DPYSL4: variants seen among roughly 807,000 people sequenced by gnomAD.
DPYSL4 encodes dihydropyrimidinase-related protein 4.
In DPYSL4, 43 loss-of-function variants were observed where a neutral mutation model predicts 63.4. The observed-to-expected ratio is 0.68, with a 90% confidence interval of 0.53 to 0.88. The LOEUF (loss-of-function observed/expected upper bound fraction) is 0.88. Ranked by LOEUF, DPYSL4 falls within the 40% of genes least tolerant of loss-of-function variation. The pLI is 0.00. For missense variants in DPYSL4, 733 were observed against 819.5 expected (o/e 0.89, Z 1.29); for synonymous variants, 353 against 331.7 (o/e 1.06, Z -0.70).
At position 132,192,774 on chromosome 10, in the gene DPYSL4, G is replaced by C; in HGVS notation, c.245G>C (p.Gly82Ala). 3.1e-6 allele frequency: 5 copies of C among 1,613,298 alleles called. No homozygotes were observed. Among genetic ancestry groups the C allele is most frequent in the Non-Finnish European group, 4.2e-6 (5 of 1,179,970 alleles). Residue 82 changes from glycine to alanine, a missense_variant, in exon 3 of 14, where the codon GGC becomes GCC. Physicochemically the swap from Gly to Ala is moderately conservative, Grantham distance 60. Coordinates refer to ENST00000338492, the MANE Select transcript of DPYSL4 (RefSeq NM_006426.3). ...ACAAGGCTGCAGATGCCTGTCCTGG[G>C]CATGACACCGGCTGACGACTTCTGT... ...VHTRLQMPVL[G>A]MTPADDFCQG...
chr10:132,193,964 G>C (rs970650340), intron 3 of DPYSL4, among the ~76,000 whole-genome samples: 6 of 152,258 alleles, frequency 3.9e-5, no homozygotes, highest in African/African-American at 1.4e-4. Flanking sequence ...GCGCCCTTCA[G>C]GGGGCGGCCC....
At chr10:132,204,806 A>G in intron 13 of DPYSL4, 33 bp from the exon 14 acceptor site, 1 of 1,570,194 alleles carries the variant, frequency 6.4e-7, no homozygotes, top group Non-Finnish European at 8.7e-7. Flanking sequence ...CCCCTGCCTC[A>G]TTCTCCCCTG....
rs902792797 is a variant in DPYSL4, at chr10:132,202,671, G to A, written c.1307G>A (p.Gly436Glu). Reference protein sequence around the residue: ...NLNVEYNIFEGVECRGAPAVV... With the variant: ...NLNVEYNIFEEVECRGAPAVV... ...AACGTGGAGTACAACATCTTCGAGG[G>A]AGTGGAGTGCCGGGGAGCGCCTGCC... Residue 436 changes from glycine to glutamate, a missense_variant, in exon 12 of 14, where the codon GGA (glycine) becomes GAA (glutamate). Physicochemically the swap from Gly to Glu is moderately conservative, Grantham distance 98. Transcript: ENST00000338492. The A allele has an allele frequency of 5.6e-6, 9 of 1,613,098 alleles. No individual in the cohort carries two copies. The highest frequency in any genetic ancestry group is 1.3e-5 in the African/African-American group (1 of 75,070).
chr10:132,204,746 A>G (rs1158310005), intron 13 of DPYSL4, 93 bp from the exon 14 acceptor site: 1 of 1,147,216 alleles, frequency 8.7e-7, no homozygotes, highest in African/African-American at 1.6e-5. Flanking sequence ...TCCTGGCCCC[A>G]CTGACGCAGC....
At chr10:132,194,819 A>G in intron 3 of DPYSL4, 26 bp from the exon 4 acceptor site, 2 of 1,605,114 alleles carry the variant, frequency 1.2e-6, no homozygotes, top group East Asian at 2.2e-5. Flanking sequence ...CAGTGGGGGA[A>G]GCTGCTGACC....
rs79233294 is a variant in DPYSL4, at chr10:132,195,268, T to C, written c.478+259T>C. Among the ~76,000 whole-genome samples the C allele has an allele frequency of 8.9e-3, 1,357 of 152,294 alleles. 27 individuals are homozygous for C. The highest frequency in any genetic ancestry group is 0.03 in the African/African-American group (1,263 of 41,554). On this transcript the variant is annotated intron_variant, in intron 4 of 13. Transcript: ENST00000338492. ...AAGATGCAGCAGATCCGTCGTTTCT[T>C]AGAAGAGAGGCTGCCCAGGGTGGAA...
chr10:132,201,006 C>A, intron 10 of DPYSL4, 23 bp downstream of exon 10: 1 of 1,610,166 alleles, frequency 6.2e-7, no homozygotes, highest in Non-Finnish European at 8.5e-7. Context: ...CTGGCCGGGG[C>A]ACGCCGTCTG....
In DPYSL4 at chr10:132,200,751, C is replaced by G; in HGVS notation, c.969-91C>G. On this transcript the variant is annotated intron_variant, in intron 9 of 13. Coordinates refer to ENST00000338492, the MANE Select transcript of DPYSL4 (RefSeq NM_006426.3). Reference sequence around the variant, plus strand: ...AGAGCCACTCAGATGACCTCTAGCCCCTGCGGCTGTGCTGGCCAAGGGGGC... The same window carrying G: ...AGAGCCACTCAGATGACCTCTAGCCGCTGCGGCTGTGCTGGCCAAGGGGGC... 2.0e-6 allele frequency: 3 copies of G among 1,522,256 alleles called. No individual in the cohort carries two copies. In the South Asian group the frequency reaches 3.9e-5, roughly 20 times the overall value. 94.3% of individuals were successfully genotyped at this position (1,522,256 alleles called of 1,614,324 possible).
chr10:132,196,881 T>G lies in DPYSL4; in HGVS notation c.499T>G (p.Phe167Val). The G allele has an allele frequency of 6.2e-7, 1 of 1,613,792 alleles. No individual in the cohort carries two copies. Among genetic ancestry groups the G allele is most frequent in the Non-Finnish European group, 8.5e-7 (1 of 1,179,998 alleles). The change falls in exon 5 of 14, where the codon TTC becomes GTC. Residue 167 changes from phenylalanine to valine, a missense_variant. Transcript: ENST00000338492. ...KEKGVNSFLVFMAYKDRCQCS... is the reference protein window; with the variant it reads ...KEKGVNSFLVVMAYKDRCQCS... ...TCCAGGTGTGAACTCCTTCCTGGTC[T>G]TCATGGCATACAAGGACCGGTGCCA...
chr10:132,204,929 A>T lies in DPYSL4; in HGVS notation c.1718A>T (p.Ter573LeuextTer233), dbSNP rs764609530. Residue 573 changes from the stop codon to leucine, a stop_lost, in exon 14 of 14, where the codon TAG (stop) becomes TTG (leucine). Transcript: ENST00000338492. ...GGRSNITSLS[*>L] Reference sequence around the variant, plus strand: ...CGCTCCAACATCACCTCTCTCTCCTAGACGCCCAGGACCGGCCCTGTGAGC... The same window carrying T: ...CGCTCCAACATCACCTCTCTCTCCTTGACGCCCAGGACCGGCCCTGTGAGC... The T allele has an allele frequency of 1.2e-6, 2 of 1,607,822 alleles. No individual in the cohort carries two copies.
intron 8 of DPYSL4, among the ~76,000 whole-genome samples, chr10:132,199,361 T>G (rs1565044083): frequency 6.6e-6 from 1 of 152,128 alleles, no homozygotes; most frequent in African/African-American, 2.4e-5. Flanking sequence ...GCCCACAGAA[T>G]GCCAGCCAGC....
At position 132,187,024 on chromosome 10, in the gene DPYSL4, C is replaced by A; in HGVS notation, c.-40C>A. The A allele has an allele frequency of 8.5e-6, 4 of 469,202 alleles. No individual in the cohort carries two copies. Among genetic ancestry groups the A allele is most frequent in the East Asian group, 4.2e-5 (1 of 23,920 alleles). 29.1% of individuals were successfully genotyped at this position (469,202 alleles called of 1,614,324 possible). A position where few individuals can be genotyped will look rare whatever the true frequency, so the allele number is the denominator to read the frequency against. Reference sequence around the variant, plus strand: ...CCGCCCGCCCGCCCGCCCGCCCGCCCCCGCTTGTGCCGCCCCTACCAGAGA... The same window carrying A: ...CCGCCCGCCCGCCCGCCCGCCCGCCACCGCTTGTGCCGCCCCTACCAGAGA... On this transcript the variant is annotated 5_prime_UTR_variant, in exon 1 of 14. Transcript: ENST00000338492.
At chr10:132,189,961 C>T (rs1345719535) in intron 1 of DPYSL4, among the ~76,000 whole-genome samples, 2 of 152,224 alleles carry the variant, frequency 1.3e-5, no homozygotes, top group East Asian at 3.9e-4. Flanking sequence ...TTCCATCCCT[C>T]GGCCTCCTCC....
chr10:132,190,422 G>C (rs1465254403), intron 1 of DPYSL4, among the ~76,000 whole-genome samples: 2 of 152,254 alleles, frequency 1.3e-5, no homozygotes, highest in Non-Finnish European at 2.9e-5. Flanking sequence ...CCCACCTCAG[G>C]CTGGGGCTCC....
rs757130543 is a variant in DPYSL4 at position 132,194,861 on chromosome 10, C to T, written c.330C>T (p.Pro110=). The T allele has an allele frequency of 2.7e-5, 43 of 1,612,468 alleles. No individual in the cohort carries two copies. Among genetic ancestry groups the T allele is most frequent in the Admixed American group, 5.0e-5 (3 of 59,984 alleles). ...GTTMILDHVF[P]DTGVSLLAAY... is the part of the protein sequence containing the mutation. The stretch of plus-strand genomic sequence containing the variant: ...CCTTCACAGTGGACCACGTCTTCCC[C>T]GACACGGGTGTGAGCCTGCTGGCGG... The change falls in exon 4 of 14, where the codon CCC becomes CCT. Residue 110 remains proline, a synonymous_variant. Coordinates refer to ENST00000338492, the MANE Select transcript of DPYSL4 (RefSeq NM_006426.3).
Position 132,205,021 on chromosome 10 carries a change from T to G in DPYSL4, c.*91T>G. The stretch of plus-strand genomic sequence containing the variant: ...CGCCCCCCTCCTTAGCATTTTCTTT[T>G]GTAGAAGTTTCTCGAAGGTGCTTGG... On this transcript the variant is annotated 3_prime_UTR_variant, in exon 14 of 14. Transcript: ENST00000338492. The G allele has an allele frequency of 9.1e-7, 1 of 1,099,488 alleles. No homozygotes were observed. Among genetic ancestry groups the G allele is most frequent in the South Asian group, 1.8e-5 (1 of 56,028 alleles). The allele number at this position is 1,099,488 out of a possible 1,614,324, so 68.1% of individuals were successfully genotyped here.
intron 12 of DPYSL4, chr10:132,203,528 C>T (rs998764145): frequency 6.6e-5 from 36 of 546,986 alleles, no homozygotes; most frequent in South Asian, 7.9e-5. Context: ...CAGATGGGAC[C>T]GCAGGCGGGC....
Position 132,196,926 on chromosome 10 carries a change from AGGGCAGGCGTGGGGAACGGAGT to A in DPYSL4, c.540+12_540+33del, listed in dbSNP as rs1289779884. 2 of 1,605,926 alleles carry A rather than the reference AGGGCAGGCGTGGGGAACGGAGT, an allele frequency of 1.2e-6. No homozygotes were observed. Among genetic ancestry groups the A allele is most frequent in the African/African-American group, 2.7e-5 (2 of 74,514 alleles). ...GTGCCAGTGCAGCGACAGCCAGGTA[AGGGCAGGCGTGGGGAACGGAGT>A]GGGCAGGTATATCCCAGGCCGCTGC... On this transcript the variant is annotated splice_donor_5th_base_variant and intron_variant, in intron 5 of 13. Transcript: ENST00000338492.
At chr10:132,197,675 C>T (rs983969039) in intron 6 of DPYSL4, among the ~76,000 whole-genome samples, 6 of 152,346 alleles carry the variant, frequency 3.9e-5, no homozygotes, top group South Asian at 4.1e-4. Context: ...GGTCACCACA[C>T]AGGACACACC....
Sources: gnomAD v4.1 joint callset for allele counts (sites outside exome capture counted in the v4.1 genomes callset) on GRCh38, gnomAD v4.1.1 for gene constraint, MANE v1.5 for transcripts, NCBI Gene and HGNC (gene_info 2026-07-23, HGNC 2026-07-21) for gene names.